DAG1: variants seen among roughly 807,000 people sequenced by gnomAD.
DAG1 encodes the protein dystroglycan 1 (dystrophin-associated glycoprotein 1).
In DAG1, 8 loss-of-function variants were observed where a neutral mutation model predicts 46.1. That is an observed-to-expected ratio of 0.17 (90% CI 0.10 to 0.31). The LOEUF (loss-of-function observed/expected upper bound fraction) is 0.31, where lower values mean the gene tolerates loss of function less well. Ranked by LOEUF, DAG1 falls within the 10% of genes least tolerant of loss-of-function variation. The pLI, the probability that DAG1 is intolerant of heterozygous loss-of-function variation, is 1.00. For missense variants in DAG1, 1,003 were observed against 1,189.9 expected, an observed-to-expected ratio of 0.84 and a Z score of 2.31; for synonymous variants, 495 against 481.8, an observed-to-expected ratio of 1.03 and a Z score of -0.36.
At chr3:49,496,081 G>T (rs575444205) in intron 1 of DAG1, among the ~76,000 whole-genome samples, 1 of 152,320 alleles carries the variant, frequency 6.6e-6, no homozygotes, top group South Asian at 2.1e-4. Flanking sequence ...ACGGGGATAT[G>T]CCCCTAAAAG....
intron 1 of DAG1, among the ~76,000 whole-genome samples, chr3:49,500,326 T>G (rs1176503984): frequency 6.6e-6 from 1 of 152,182 alleles, no homozygotes; most frequent in African/African-American, 2.4e-5. Context: ...ACATTTTACT[T>G]CTGCCCATCA....
intron 1 of DAG1, among the ~76,000 whole-genome samples, chr3:49,490,459 G>T (rs2050152930): frequency 6.6e-6 from 1 of 150,924 alleles, no homozygotes; most frequent in African/African-American, 2.4e-5. Context: ...CCATTTGTTT[G>T]CATTTTGCTG....
intron 1 of DAG1, among the ~76,000 whole-genome samples, chr3:49,486,803 T>A (rs3924462): frequency 6.6e-6 from 1 of 152,026 alleles, no homozygotes; most frequent in East Asian, 1.9e-4. Flanking sequence ...GCGCTCAGCC[T>A]GATATGAATA....
rs1446963143 is a variant in DAG1 at position 49,531,708 on chromosome 3, C to T, written c.1197C>T (p.Gly399=). 1.9e-6 allele frequency: 3 copies of T among 1,613,978 alleles called. No homozygotes were observed. Among genetic ancestry groups the T allele is most frequent in the African/African-American group, 2.7e-5 (2 of 74,900 alleles). The change falls in exon 3 of 3, where the codon GGC becomes GGT. Residue 399 remains glycine (G), a synonymous_variant. Coordinates refer to ENST00000308775, the MANE Select transcript of DAG1 (RefSeq NM_004393.6). The surrounding 1 kb of genome is among the most constrained non-coding windows in gnomAD (Gnocchi z 7.0). ...CAGAAGCTGGCACCACAGTTCCTGG[C>T]CAGATTCGCCCAACGATGACCATTC... ...RVSEAGTTVP[G]QIRPTMTIPG... is the part of the protein sequence containing the mutation.
intron 1 of DAG1, among the ~76,000 whole-genome samples, chr3:49,476,248 A>G (rs1443050009): frequency 1.3e-5 from 2 of 152,188 alleles, no homozygotes; most frequent in East Asian, 1.9e-4. Context: ...AATTACTTTT[A>G]TGACCAAATG....
At chr3:49,520,159 A>T (rs923004114) in intron 2 of DAG1, among the ~76,000 whole-genome samples, 1 of 152,220 alleles carries the variant, frequency 6.6e-6, no homozygotes, top group Admixed American at 6.5e-5. Context: ...TCTGACCTTA[A>T]GCTAGAGGCT....
In DAG1 at chr3:49,532,285, G is replaced by A. The variant is rs759029561; in HGVS notation, c.1774G>A (p.Glu592Lys). 15 of 1,613,974 alleles carry A rather than the reference G, an allele frequency of 9.3e-6. No homozygotes were observed. Among genetic ancestry groups the A allele is most frequent in the Non-Finnish European group, 1.3e-5 (15 of 1,179,992 alleles). ...GGGCCTGTCGGCTGTGGATGCCTTC[G>A]AGATCCACGTCCACAGGCGCCCCCA... ...KGGLSAVDAF[E>K]IHVHRRPQGD... Residue 592 changes from glutamate (E) to lysine (K), a missense_variant, in exon 3 of 3, where the codon GAG becomes AAG. By Grantham distance (56) the Glu-to-Lys change is moderately conservative (BLOSUM62 1). Coordinates refer to ENST00000308775, the MANE Select transcript of DAG1 (RefSeq NM_004393.6). The surrounding 1 kb of genome is among the most constrained non-coding windows in gnomAD (Gnocchi z 5.4).
intron 1 of DAG1, among the ~76,000 whole-genome samples, chr3:49,487,877 T>G (rs975610663): frequency 1.3e-5 from 2 of 151,872 alleles, no homozygotes; most frequent in Non-Finnish European, 2.9e-5. Context: ...TAATTTTTTG[T>G]GTTTTTCATA....
Position 49,531,505 on chromosome 3 carries a change from C to G in DAG1, c.994C>G (p.Gln332Glu). 6.2e-7 allele frequency: 1 copy of G among 1,612,836 alleles called. No individual in the cohort carries two copies. The highest frequency in any genetic ancestry group is 8.5e-7 in the Non-Finnish European group (1 of 1,179,078). The change falls in exon 3 of 3, where the codon CAG (glutamine) becomes GAG (glutamate). Residue 332 changes from glutamine to glutamate, a missense_variant. Transcript: ENST00000308775. This position sits in a 1 kb window ranked among gnomAD's most constrained non-coding sequence, Gnocchi z 7.0. The part of the protein sequence containing the change: ...TAIGPPTTAI[Q>E]EPPSRIVPTP... ...CATTGGGCCCCCAACCACGGCTATC[C>G]AGGAGCCCCCATCCAGGATCGTGCC...
intron 1 of DAG1, among the ~76,000 whole-genome samples, chr3:49,490,022 TGGAC>T (rs1243948567): frequency 6.6e-6 from 1 of 152,192 alleles, no homozygotes; most frequent in Non-Finnish European, 1.5e-5. Context: ...AGAGGGGGCT[TGGAC>T]CATGACCCGT....
At chr3:49,481,115 C>T (rs1450104455) in intron 1 of DAG1, among the ~76,000 whole-genome samples, 1 of 147,254 alleles carries the variant, frequency 6.8e-6, no homozygotes, top group Non-Finnish European at 1.5e-5. Flanking sequence ...TGTGGCCGGG[C>T]GCAGTGGCTT....
intron 1 of DAG1, among the ~76,000 whole-genome samples, chr3:49,506,602 T>C (rs1420338487): frequency 1.3e-5 from 2 of 152,168 alleles, no homozygotes; most frequent in African/African-American, 4.8e-5. Context: ...AATTTTCAAA[T>C]ATTGAGCTGA....
intron 2 of DAG1, among the ~76,000 whole-genome samples, chr3:49,523,865 G>A (rs998920225): frequency 1.3e-5 from 2 of 152,188 alleles, no homozygotes; most frequent in African/African-American, 4.8e-5. Context: ...GCCAAGGTTG[G>A]GTCAAGCGCC....
chr3:49,470,728 C>T (rs1024306047), intron 1 of DAG1, among the ~76,000 whole-genome samples: 2 of 152,230 alleles, frequency 1.3e-5, no homozygotes, highest in Non-Finnish European at 2.9e-5. Context: ...GGAGCCTGCG[C>T]CTTGGCCGCG....
rs1450319366 is a variant in DAG1 at position 49,503,226 on chromosome 3, C to G, written c.-116-7193C>G. On this transcript the variant is annotated intron_variant, in intron 1 of 2. Coordinates refer to ENST00000308775, the MANE Select transcript of DAG1 (RefSeq NM_004393.6). ...CCACCAACAGCCATGTGGTCCTGTTCCCTCAGTGGTGTCACATTGGAACAT... is the reference window on the plus strand; with the variant it reads ...CCACCAACAGCCATGTGGTCCTGTTGCCTCAGTGGTGTCACATTGGAACAT... Among the ~76,000 whole-genome samples the G allele has an allele frequency of 2.0e-5, 3 of 152,184 alleles. No homozygotes were observed. The East Asian group carries it at 5.8e-4, about 29-fold the overall frequency.
At chr3:49,471,168 A>T (rs1441625588) in intron 1 of DAG1, 1 of 152,182 alleles carries the variant, frequency 6.6e-6, no homozygotes, top group African/African-American at 2.4e-5. Flanking sequence ...GGTGACGATG[A>T]AGTTTTGACT....
intron 1 of DAG1, among the ~76,000 whole-genome samples, chr3:49,491,369 T>G (rs1204353008): frequency 6.6e-6 from 1 of 150,986 alleles, no homozygotes; most frequent in African/African-American, 2.4e-5. Context: ...TGGAATGCAG[T>G]GGCGTGTTTT....
rs1241920521 is a variant in DAG1, at chr3:49,533,225, GGTA to G, written c.*28_*30del. 5.6e-6 allele frequency: 9 copies of G among 1,607,198 alleles called. No individual in the cohort carries two copies. The highest frequency in any genetic ancestry group is 7.6e-6 in the Non-Finnish European group (9 of 1,179,882). ...CCCGCAAGCGCCTGGGTGGAGGCAG[GGTA>G]GGGCAGGGGCCTGGAGACGACATGG... is the stretch of plus-strand genomic sequence containing the variant. On this transcript the variant is annotated 3_prime_UTR_variant, in exon 3 of 3. Transcript: ENST00000308775.
intron 1 of DAG1, among the ~76,000 whole-genome samples, chr3:49,474,810 GTTT>G (rs35680171): frequency 7.2e-6 from 1 of 139,546 alleles, no homozygotes; most frequent in Non-Finnish European, 1.5e-5. Flanking sequence ...TAATTAATTA[GTTT>G]TTTTTTTTTT....
Sources: gnomAD v4.1 joint callset for allele counts (sites outside exome capture counted in the v4.1 genomes callset) on GRCh38, gnomAD v4.1.1 for gene constraint, Gnocchi (gnomAD v3.1) non-coding constraint, MANE v1.5 for transcripts, NCBI Gene and HGNC (gene_info 2026-07-23, HGNC 2026-07-21) for gene names.